FBXL17: variants seen among roughly 807,000 people sequenced by gnomAD.
FBXL17 encodes the protein F-box/LRR-repeat protein 17.
A neutral mutation model predicts 66.2 loss-of-function variants in FBXL17; 22 were observed. That is an observed-to-expected ratio of 0.33 (90% CI 0.24 to 0.47). FBXL17 has a LOEUF of 0.47. FBXL17 is among the 20% of genes least tolerant of loss of function. The probability of loss-of-function intolerance (pLI) is 1.00; values close to 1 mark genes in which losing one functional copy is unlikely to be tolerated. For synonymous variants in FBXL17, 474 were observed against 400.5 expected (o/e 1.18, Z -2.19); for missense variants, 878 against 948.2 (o/e 0.93, Z 0.97).
chr5:108,079,917 G>A (rs548586601), intron 6 of FBXL17, among the ~76,000 whole-genome samples: 1 of 152,306 alleles, frequency 6.6e-6, no homozygotes, highest in East Asian at 1.9e-4. Flanking sequence ...ATGGAATGTT[G>A]TTTCTACATT....
chr5:108,323,070 T>C (rs1759691663), intron 4 of FBXL17, among the ~76,000 whole-genome samples: 1 of 151,874 alleles, frequency 6.6e-6, no homozygotes, highest in African/African-American at 2.4e-5. Context: ...TTATGCCACT[T>C]CTACTTAACA....
intron 4 of FBXL17, chr5:108,298,950 T>C (rs1159602681): frequency 2.1e-6 from 2 of 957,682 alleles, no homozygotes; most frequent in East Asian, 1.1e-4. Flanking sequence ...TTACTTTCAG[T>C]TTCATATATA....
intron 4 of FBXL17, among the ~76,000 whole-genome samples, chr5:108,322,523 T>A (rs1443289310): frequency 6.6e-6 from 1 of 151,990 alleles, no homozygotes; most frequent in African/African-American, 2.4e-5. Flanking sequence ...AGAATTTTTT[T>A]CATATTTTCA....
intron 6 of FBXL17, among the ~76,000 whole-genome samples, chr5:108,103,068 A>G (rs145567096): frequency 2.0e-5 from 3 of 152,354 alleles, no homozygotes; most frequent in Non-Finnish European, 2.9e-5. Flanking sequence ...GAAAATATGT[A>G]TAACATCTTG....
At chr5:108,302,282 C>T (rs1181226793) in intron 4 of FBXL17, among the ~76,000 whole-genome samples, 1 of 151,720 alleles carries the variant, frequency 6.6e-6, no homozygotes, top group Non-Finnish European at 1.5e-5. Context: ...CATATTGTAA[C>T]TGAAGAACAA....
At chr5:108,001,090 A>T (rs184131065) in intron 7 of FBXL17, among the ~76,000 whole-genome samples, 1 of 152,314 alleles carries the variant, frequency 6.6e-6, no homozygotes, top group African/African-American at 2.4e-5. Context: ...TAAAATGTTG[A>T]CCTCAAAGCC....
At chr5:108,011,123 T>C (rs1754155841) in intron 7 of FBXL17, among the ~76,000 whole-genome samples, 1 of 152,228 alleles carries the variant, frequency 6.6e-6, no homozygotes, top group Non-Finnish European at 1.5e-5. Context: ...TACTCTCACT[T>C]TCTAAATAGG....
intron 6 of FBXL17, among the ~76,000 whole-genome samples, chr5:108,156,114 A>C (rs771450497): frequency 6.6e-6 from 1 of 152,048 alleles, no homozygotes; most frequent in Non-Finnish European, 1.5e-5. Context: ...ATTTGCTATA[A>C]CCCTAATAGG....
rs574489120 is a variant in FBXL17 at position 108,321,932 on chromosome 5, G to T, written c.1506+26467C>A. ...AGTTACAGAAAAAGAAACCCAAACG[G>T]TTTTTAAACATACCATTCCCAAACA... is the stretch of plus-strand genomic sequence containing the variant. On this transcript the variant is annotated intron_variant, in intron 4 of 8. Transcript: ENST00000542267. 3.3e-5 allele frequency among the ~76,000 whole-genome samples: 5 copies of T among 151,908 alleles called. No homozygotes were observed. The South Asian group carries it at 1.0e-3, about 31-fold the overall frequency.
intron 6 of FBXL17, among the ~76,000 whole-genome samples, chr5:108,157,935 A>G (rs1462053297): frequency 1.3e-5 from 2 of 152,088 alleles, no homozygotes; most frequent in African/African-American, 2.4e-5. Context: ...CTTAAAAAAT[A>G]GAGAAGAAAA....
At chr5:107,959,976 C>G (rs1751827974) in intron 7 of FBXL17, among the ~76,000 whole-genome samples, 1 of 152,180 alleles carries the variant, frequency 6.6e-6, no homozygotes, top group Non-Finnish European at 1.5e-5. Context: ...TACGTACTTT[C>G]CTTCCCACGT....
At chr5:108,243,484 C>T (rs559448230) in intron 4 of FBXL17, among the ~76,000 whole-genome samples, 2 of 152,208 alleles carry the variant, frequency 1.3e-5, no homozygotes, top group South Asian at 4.1e-4. Flanking sequence ...CAGTAGCTCA[C>T]TGAGATCAAC....
At chr5:108,170,830 A>G (rs1752581188) in intron 6 of FBXL17, among the ~76,000 whole-genome samples, 1 of 152,152 alleles carries the variant, frequency 6.6e-6, no homozygotes, top group Admixed American at 6.6e-5. Context: ...CACCGTGCCC[A>G]GCACTGTAAG....
intron 8 of FBXL17, among the ~76,000 whole-genome samples, chr5:107,874,063 C>A (rs778541052): frequency 2.0e-4 from 31 of 152,300 alleles, no homozygotes; most frequent in Non-Finnish European, 4.0e-4. Flanking sequence ...CATTGACTGG[C>A]TGTTTGACTT....
At chr5:108,346,588 A>T (rs1208841229) in intron 4 of FBXL17, among the ~76,000 whole-genome samples, 1 of 152,138 alleles carries the variant, frequency 6.6e-6, no homozygotes, top group Admixed American at 6.6e-5. Context: ...AATTGAGATC[A>T]CCATCCTTTA....
intron 7 of FBXL17, among the ~76,000 whole-genome samples, chr5:108,002,180 TA>T (rs1753755941): frequency 1.6e-5 from 2 of 128,966 alleles, no homozygotes; most frequent in Admixed American, 8.4e-5. Flanking sequence ...CACACCCAGC[TA>T]ATTTTTTTTT....
At chr5:107,920,127 G>GTA (rs1186905536) in intron 7 of FBXL17, among the ~76,000 whole-genome samples, 1 of 152,180 alleles carries the variant, frequency 6.6e-6, no homozygotes, top group Non-Finnish European at 1.5e-5. Context: ...TGCCATATTA[G>GTA]TATGTTTTTG....
At chr5:108,296,892 G>A (rs1580766599) in intron 4 of FBXL17, among the ~76,000 whole-genome samples, 1 of 150,640 alleles carries the variant, frequency 6.6e-6, no homozygotes, top group Non-Finnish European at 1.5e-5. Context: ...TAACAAAAAT[G>A]GTAATTTTTG....
At chr5:108,110,680 T>C (rs1488790529) in intron 6 of FBXL17, among the ~76,000 whole-genome samples, 1 of 152,162 alleles carries the variant, frequency 6.6e-6, no homozygotes, top group Admixed American at 6.5e-5. Flanking sequence ...AAATTTGTTA[T>C]TTTTTATGAG....
Sources: gnomAD v4.1 joint callset for allele counts (sites outside exome capture counted in the v4.1 genomes callset) on GRCh38, gnomAD v4.1.1 for gene constraint, MANE v1.5 for transcripts, NCBI Gene and HGNC (gene_info 2026-07-23, HGNC 2026-07-21) for gene names.